The following PIK3C3 variants were observed in gnomAD, a reference collection of about 807,000 sequenced individuals.
The protein encoded by PIK3C3 is PI3-kinase type 3.
In PIK3C3, 95 loss-of-function variants were observed where a neutral mutation model predicts 126.1. The observed-to-expected ratio is 0.75, with a 90% CI of 0.64 to 0.89. The LOEUF is 0.89. Ranked by LOEUF, PIK3C3 falls within the 40% of genes least tolerant of loss-of-function variation. The pLI is 0.00. For missense variants in PIK3C3, 829 were observed against 1,063.2 expected, an observed-to-expected ratio of 0.78 and a Z score of 3.06; for synonymous variants, 374 against 360.0, an observed-to-expected ratio of 1.04 and a Z score of -0.44.
intron 24 of PIK3C3, 67 bp downstream of exon 24, chr18:42,067,580 G>A: frequency 6.5e-7 from 1 of 1,528,572 alleles, no homozygotes; most frequent in Non-Finnish European, 9.0e-7. Context: ...TCCTTGGAGA[G>A]CCATGCATTT....
At chr18:42,069,231 C>G (rs1985675240) in intron 24 of PIK3C3, among the ~76,000 whole-genome samples, 1 of 152,128 alleles carries the variant, frequency 6.6e-6, no homozygotes, top group Non-Finnish European at 1.5e-5. Flanking sequence ...TTAATTGTAA[C>G]CAATCATTTG....
chr18:41,970,276 T>C, intron 3 of PIK3C3, 51 bp from the exon 4 acceptor site: 1 of 1,531,118 alleles, frequency 6.5e-7, no homozygotes, highest in South Asian at 1.1e-5. Context: ...AAATTTCCTG[T>C]AATGAACTGT....
At chr18:42,052,597 A>T (rs1984853251) in intron 21 of PIK3C3, 2 of 152,184 alleles carry the variant, frequency 1.3e-5, no homozygotes, top group South Asian at 4.1e-4. Flanking sequence ...GCATTCTTCA[A>T]GTTCTAACAA....
intron 24 of PIK3C3, among the ~76,000 whole-genome samples, chr18:42,072,898 T>G (rs1985834786): frequency 6.6e-6 from 1 of 152,010 alleles, no homozygotes; most frequent in Non-Finnish European, 1.5e-5. Flanking sequence ...GTCATATAGT[T>G]TGGGTCATGT....
At chr18:42,060,779 A>G (rs969382453) in intron 22 of PIK3C3, among the ~76,000 whole-genome samples, 4 of 152,296 alleles carry the variant, frequency 2.6e-5, no homozygotes, top group South Asian at 2.1e-4. Flanking sequence ...TCTGTCTCAA[A>G]AAAAGAAAAA....
rs546167909 is a variant in PIK3C3 at position 41,964,147 on chromosome 18, G to A, written c.401+1515G>A. ...CTAAAATTACTTTTGTGAAAGAGTG[G>A]TATAGTGAGAATAGCTTTTTAGAGA... On this transcript the variant is annotated intron_variant, in intron 3 of 24. Coordinates refer to ENST00000262039, the MANE Select transcript of PIK3C3 (RefSeq NM_002647.4). Among the ~76,000 whole-genome samples, 325 of 151,998 alleles carry A rather than the reference G, an allele frequency of 2.1e-3. 2 individuals are homozygous for A. The highest frequency in any genetic ancestry group is 7.4e-3 in the African/African-American group (306 of 41,476).
intron 17 of PIK3C3, 30 bp downstream of exon 17, chr18:42,037,850 A>AT (rs1440319458): frequency 3.8e-6 from 6 of 1,581,612 alleles, no homozygotes; most frequent in African/African-American, 1.4e-5. Flanking sequence ...GGTGGGGAAC[A>AT]TTTTTTTCGT....
chr18:42,047,736 G>A (rs959704452), intron 20 of PIK3C3, among the ~76,000 whole-genome samples: 17 of 152,164 alleles, frequency 1.1e-4, no homozygotes, highest in Non-Finnish European at 2.4e-4. Context: ...TGTTAAAATG[G>A]AATTGTGGCT....
At chr18:42,060,686 AG>A (rs111810046) in intron 22 of PIK3C3, among the ~76,000 whole-genome samples, 89 of 152,290 alleles carry the variant, frequency 5.8e-4, no homozygotes, top group African/African-American at 2.0e-3. Context: ...CTGAGGTATG[AG>A]AATTGCTTGA....
rs1980600105 is a variant in PIK3C3 at position 41,970,372 on chromosome 18, A to G, written c.447A>G (p.Val149=). 6.2e-7 allele frequency: 1 copy of G among 1,613,156 alleles called. No homozygotes were observed. Among genetic ancestry groups the G allele is most frequent in the South Asian group, 1.1e-5 (1 of 91,068 alleles). Reference sequence around the variant, plus strand: ...ATGACTTGAAAGTCTGGCCTAATGTAGAAGCAGATGGATCAGAACCCACAA... The same window carrying G: ...ATGACTTGAAAGTCTGGCCTAATGTGGAAGCAGATGGATCAGAACCCACAA... ...GMHDLKVWPN[V]EADGSEPTKT... is the part of the protein sequence containing the mutation. Residue 149 remains valine (V), a synonymous_variant, in exon 4 of 25, where the codon GTA becomes GTG. Coordinates refer to ENST00000262039, the MANE Select transcript of PIK3C3 (RefSeq NM_002647.4).
chr18:41,982,889 C>G (rs1598865973), intron 4 of PIK3C3, among the ~76,000 whole-genome samples: 1 of 152,142 alleles, frequency 6.6e-6, no homozygotes, highest in Admixed American at 6.6e-5. Flanking sequence ...ATTTAAGATA[C>G]TTCTACCACA....
chr18:42,017,390 A>G (rs538696282), intron 12 of PIK3C3, among the ~76,000 whole-genome samples: 3 of 152,268 alleles, frequency 2.0e-5, no homozygotes, highest in African/African-American at 4.8e-5. Flanking sequence ...CTCATATTTT[A>G]TGAATTCCAT....
intron 24 of PIK3C3, among the ~76,000 whole-genome samples, chr18:42,072,570 G>A (rs1336380527): frequency 1.3e-5 from 2 of 151,782 alleles, no homozygotes; most frequent in Non-Finnish European, 1.5e-5. Context: ...TTGTTCTGTC[G>A]CCCCCCACTG....
chr18:42,013,255 T>A (rs1339398845), intron 10 of PIK3C3, among the ~76,000 whole-genome samples, 187 bp from the exon 11 acceptor site: 2 of 152,100 alleles, frequency 1.3e-5, no homozygotes, highest in Admixed American at 1.3e-4. Context: ...TATTATGATG[T>A]CCATTTTAAA....
intron 23 of PIK3C3, among the ~76,000 whole-genome samples, chr18:42,065,850 A>G (rs554380966): frequency 1.1e-4 from 16 of 152,308 alleles, no homozygotes; most frequent in African/African-American, 2.4e-4. Context: ...CCAAATAACT[A>G]TTTATATACA....
At chr18:42,034,702 A>G (rs528481367) in intron 16 of PIK3C3, among the ~76,000 whole-genome samples, 3 of 152,338 alleles carry the variant, frequency 2.0e-5, no homozygotes, top group African/African-American at 7.2e-5. Flanking sequence ...GAGCATCATT[A>G]TCTGTCAGCA....
At chr18:42,052,909 A>C (rs1984867600) in intron 21 of PIK3C3, 1 of 152,178 alleles carries the variant, frequency 6.6e-6, no homozygotes, top group Admixed American at 6.5e-5. Context: ...TTTTTTAATA[A>C]TCAAGTAACA....
At chr18:41,992,400 G>A (rs1202752882) in intron 6 of PIK3C3, among the ~76,000 whole-genome samples, 1 of 152,162 alleles carries the variant, frequency 6.6e-6, no homozygotes, top group East Asian at 1.9e-4. Flanking sequence ...CTGAACTGAA[G>A]TAAAGTTACA....
At chr18:42,056,814 A>G (rs1444923974) in intron 21 of PIK3C3, among the ~76,000 whole-genome samples, 4 of 152,100 alleles carry the variant, frequency 2.6e-5, no homozygotes, top group Non-Finnish European at 5.9e-5. Context: ...CTCCCCTTGA[A>G]CCTTAAGAGA....
Sources: allele counts gnomAD v4.1 joint callset (sites outside exome capture counted in the v4.1 genomes callset), GRCh38; gene constraint gnomAD v4.1.1; transcripts MANE v1.5; gene names NCBI Gene and HGNC (gene_info 2026-07-23, HGNC 2026-07-21).